Variants in KIAA1549L observed in about 807,000 individuals in gnomAD.
The protein encoded by KIAA1549L is KIAA1549 like.
KIAA1549L carries 88 observed loss-of-function variants against 160.7 expected under a neutral mutation model. The observed-to-expected ratio is 0.55, with a 90% confidence interval of 0.46 to 0.65. The LOEUF (loss-of-function observed/expected upper bound fraction) is 0.65, where lower values mean the gene tolerates loss of function less well. Ranked by LOEUF, KIAA1549L falls within the 30% of genes least tolerant of loss-of-function variation. The pLI is 0.00. For synonymous variants in KIAA1549L, 950 were observed against 976.7 expected, an observed-to-expected ratio of 0.97 and a Z score of 0.51; for missense variants, 2,258 against 2,437.5, an observed-to-expected ratio of 0.93 and a Z score of 1.55.
chr11:33,552,108 T>C lies in KIAA1549L; in HGVS notation c.3722T>C (p.Val1241Ala). 6.2e-7 allele frequency: 1 copy of C among 1,613,658 alleles called. No individual in the cohort carries two copies. Among genetic ancestry groups the C allele is most frequent in the Non-Finnish European group, 8.5e-7 (1 of 1,179,740 alleles). Residue 1241 changes from valine (V) to alanine (A), a missense_variant and splice_region_variant, in exon 6 of 21, where the codon GTG becomes GCG. By Grantham distance (64) the Val-to-Ala change is moderately conservative. This residue lies in a region of KIAA1549L where 1,359 missense variants were observed against 1,546.6 expected (regional missense o/e 0.88). Transcript: ENST00000658780. ...CACTGATTGACTTCTCTCATTCTAGTGCTGCAGTTTGTGAGCCAAGCGGAC... is the reference window on the plus strand; with the variant it reads ...CACTGATTGACTTCTCTCATTCTAGCGCTGCAGTTTGTGAGCCAAGCGGAC... ...QPAGYFQLKTVLQFVSQADNI... is the reference protein window; with the variant it reads ...QPAGYFQLKTALQFVSQADNI...
rs189545474 is a variant in KIAA1549L at position 33,508,139 on chromosome 11, G to A, written c.239-33663G>A. Among the ~76,000 whole-genome samples, 181 of 152,270 alleles carry A rather than the reference G, an allele frequency of 1.2e-3. No individual in the cohort carries two copies. The South Asian group carries it at 0.025, about 21-fold the overall frequency. On this transcript the variant is annotated intron_variant, in intron 1 of 20. Coordinates refer to ENST00000658780, the MANE Select transcript of KIAA1549L (RefSeq NM_012194.3). ...ACTTAGCTCTCAATCAAGATCTTGC[G>A]CAATGCATCTGCTCCAGGGAACCTA...
intron 1 of KIAA1549L, among the ~76,000 whole-genome samples, chr11:33,377,981 A>G (rs1338471102): frequency 2.6e-5 from 4 of 152,176 alleles, no homozygotes; most frequent in African/African-American, 9.7e-5. Context: ...ATAATGTTCT[A>G]TTGCGATTAT....
chr11:33,580,587 A>AAAAAAAAAAG (rs1554994225), intron 10 of KIAA1549L, among the ~76,000 whole-genome samples: 194 of 127,322 alleles, frequency 1.5e-3, no homozygotes, highest in Middle Eastern at 3.8e-3. Flanking sequence ...AAAAAAAAAA[A>AAAAAAAAAAG]AAAAGAAAAG....
intron 1 of KIAA1549L, among the ~76,000 whole-genome samples, chr11:33,409,271 T>C (rs988674955): frequency 6.6e-6 from 1 of 152,214 alleles, no homozygotes; most frequent in African/African-American, 2.4e-5. Flanking sequence ...AGTACTGGAT[T>C]TGATGGCTTC....
chr11:33,571,003 G>A (rs552473647), intron 9 of KIAA1549L, among the ~76,000 whole-genome samples: 1 of 152,318 alleles, frequency 6.6e-6, no homozygotes, highest in African/African-American at 2.4e-5. Flanking sequence ...AATTCATCTC[G>A]ACCAGGCACA....
chr11:33,402,305 T>C (rs1850519145), intron 1 of KIAA1549L, among the ~76,000 whole-genome samples: 1 of 152,182 alleles, frequency 6.6e-6, no homozygotes, highest in South Asian at 2.1e-4. Context: ...TCCTCCTCCT[T>C]CACCCTGCAT....
At chr11:33,665,730 A>AGTAT (rs962839011) in intron 20 of KIAA1549L, among the ~76,000 whole-genome samples, 5 of 152,106 alleles carry the variant, frequency 3.3e-5, no homozygotes, top group Admixed American at 6.5e-5. Flanking sequence ...TCCACCCAGG[A>AGTAT]GTCTGTCTGT....
At chr11:33,597,564 G>A (rs1850234143) in intron 12 of KIAA1549L, among the ~76,000 whole-genome samples, 1 of 152,210 alleles carries the variant, frequency 6.6e-6, no homozygotes, top group South Asian at 2.1e-4. Context: ...GAGGCCGCTA[G>A]ATACCTGCCT....
At chr11:33,650,492 T>A (rs538225948) in intron 17 of KIAA1549L, among the ~76,000 whole-genome samples, 46 of 152,278 alleles carry the variant, frequency 3.0e-4, no homozygotes, top group African/African-American at 9.9e-4. Context: ...ACCTACATGA[T>A]GTTGGGTAGG....
intron 9 of KIAA1549L, among the ~76,000 whole-genome samples, chr11:33,569,307 T>A (rs1047131775): frequency 6.6e-6 from 1 of 152,206 alleles, no homozygotes; most frequent in Non-Finnish European, 1.5e-5. Context: ...ATGTCTAACA[T>A]TTGTTGTGCT....
Position 33,668,119 on chromosome 11 carries a change from A to G in KIAA1549L, c.6406A>G (p.Lys2136Glu). ...AIREEVAKLAKKQTDMFEFQV is the reference protein window; with the variant it reads ...AIREEVAKLAEKQTDMFEFQV ...CCGGGAGGAGGTGGCCAAGCTGGCC[A>G]AAAAACAGACAGACATGTTTGAGTT... Residue 2136 changes from lysine to glutamate, a missense_variant, in exon 21 of 21, where the codon AAA (lysine) becomes GAA (glutamate). By Grantham distance (56) the Lys-to-Glu change is moderately conservative (BLOSUM62 1). Coordinates refer to ENST00000658780, the MANE Select transcript of KIAA1549L (RefSeq NM_012194.3). 6.2e-7 allele frequency: 1 copy of G among 1,613,808 alleles called. No homozygotes were observed. Among genetic ancestry groups the G allele is most frequent in the Non-Finnish European group, 8.5e-7 (1 of 1,179,812 alleles).
chr11:33,671,367 G>C lies in KIAA1549L; in HGVS notation c.*3213G>C, dbSNP rs953442221. On this transcript the variant is annotated 3_prime_UTR_variant, in exon 21 of 21. Transcript: ENST00000658780. Reference sequence around the variant, plus strand: ...GCAGTAAAGGTCCATTGTGTGGCTTGAGACCTATGATCTGAGGCTTGTGCA... The same window carrying C: ...GCAGTAAAGGTCCATTGTGTGGCTTCAGACCTATGATCTGAGGCTTGTGCA... 2.6e-5 allele frequency: 4 copies of C among 152,156 alleles called. No homozygotes were observed. The highest frequency in any genetic ancestry group is 1.3e-4 in the Admixed American group (2 of 15,282). 9.4% of individuals were successfully genotyped at this position (152,156 alleles called of 1,614,324 possible).
At chr11:33,444,438 C>T (rs1432453446) in intron 1 of KIAA1549L, among the ~76,000 whole-genome samples, 2 of 152,104 alleles carry the variant, frequency 1.3e-5, no homozygotes, top group Admixed American at 6.6e-5. Context: ...AAAAATCTGT[C>T]CATTCATAAA....
At chr11:33,485,889 T>G (rs1314254165) in intron 1 of KIAA1549L, among the ~76,000 whole-genome samples, 1 of 152,190 alleles carries the variant, frequency 6.6e-6, no homozygotes, top group Admixed American at 6.5e-5. Flanking sequence ...TGTCTTTCAT[T>G]GCCTGGATTA....
intron 11 of KIAA1549L, among the ~76,000 whole-genome samples, chr11:33,583,847 C>T (rs931004143): frequency 6.6e-5 from 10 of 152,218 alleles, no homozygotes. Context: ...TAATCAGACT[C>T]CCTCCTTTCA....
intron 1 of KIAA1549L, among the ~76,000 whole-genome samples, chr11:33,464,967 C>T (rs548165253): frequency 9.2e-5 from 14 of 151,806 alleles, no homozygotes; most frequent in African/African-American, 3.1e-4. Flanking sequence ...GGTCTCTGAG[C>T]TCTGGCCCTT....
intron 10 of KIAA1549L, among the ~76,000 whole-genome samples, chr11:33,579,902 C>A (rs575445090): frequency 6.6e-6 from 1 of 152,126 alleles, no homozygotes; most frequent in African/African-American, 2.4e-5. Flanking sequence ...CCCATTTTCT[C>A]CCAGTAGTTT....
chr11:33,511,523 C>T (rs1853226873), intron 1 of KIAA1549L, among the ~76,000 whole-genome samples: 1 of 152,164 alleles, frequency 6.6e-6, no homozygotes, highest in African/African-American at 2.4e-5. Flanking sequence ...CTGGAGGAAT[C>T]GGTGATGCAA....
chr11:33,394,867 G>A (rs1850342737), intron 1 of KIAA1549L, among the ~76,000 whole-genome samples: 1 of 152,234 alleles, frequency 6.6e-6, no homozygotes, highest in Non-Finnish European at 1.5e-5. Flanking sequence ...CTGCTTGTCT[G>A]CGTGCAGCAG....
Sources: allele counts gnomAD v4.1 joint callset (sites outside exome capture counted in the v4.1 genomes callset), GRCh38; gene constraint gnomAD v4.1.1; regional missense constraint gnomAD v4.1.1; transcripts MANE v1.5; gene names NCBI Gene and HGNC (gene_info 2026-07-23, HGNC 2026-07-21).